The following AFAP1L2 variants were observed in gnomAD, a reference collection of about 807,000 sequenced individuals.
AFAP1L2 encodes actin filament-associated protein 1-like 2.
AFAP1L2 carries 46 observed loss-of-function variants against 99.3 expected under a neutral mutation model. The ratio of observed to expected loss-of-function variants is 0.46; its 90% CI spans 0.37 to 0.59. The LOEUF is 0.59. Ranked by LOEUF, AFAP1L2 falls within the 20% of genes least tolerant of loss-of-function variation. AFAP1L2 has a pLI of 0.00. For synonymous variants in AFAP1L2, 397 were observed against 419.1 expected, an observed-to-expected ratio of 0.95 and a Z score of 0.64; for missense variants, 959 against 1,034.9, an observed-to-expected ratio of 0.93 and a Z score of 1.01.
chr10:114,281,569 G>T, the AFAP1L2 span: 1 of 197,164 alleles, frequency 5.1e-6, no homozygotes, highest in Non-Finnish European at 9.2e-6. Flanking sequence ...TGGCTGCTGT[G>T]TTATCACAGA....
At chr10:114,375,107 G>T (rs950110015) in intron 1 of AFAP1L2, among the ~76,000 whole-genome samples, 11 of 152,084 alleles carry the variant, frequency 7.2e-5, no homozygotes, top group African/African-American at 2.7e-4. Flanking sequence ...CCATACAAAT[G>T]GCTTTTACAT....
intron 1 of AFAP1L2, among the ~76,000 whole-genome samples, chr10:114,400,294 A>T (rs1356956675): frequency 6.6e-6 from 1 of 152,172 alleles, no homozygotes; most frequent in Non-Finnish European, 1.5e-5. Flanking sequence ...CCTTCAGAAG[A>T]GAGGAAGGGC....
intron 5 of AFAP1L2, among the ~76,000 whole-genome samples, chr10:114,316,265 G>T (rs1488318028): frequency 6.6e-6 from 1 of 152,246 alleles, no homozygotes; most frequent in Non-Finnish European, 1.5e-5. Flanking sequence ...TGTGAGGCAG[G>T]CCTCTGATGG....
At chr10:114,335,488 C>A in intron 2 of AFAP1L2, among the ~76,000 whole-genome samples, 1 of 150,672 alleles carries the variant, frequency 6.6e-6, no homozygotes, top group East Asian at 2.0e-4. Context: ...TGGTGGGCGC[C>A]TGTAGTCCCA....
At chr10:114,400,505 G>A (rs2058128577) in intron 1 of AFAP1L2, among the ~76,000 whole-genome samples, 1 of 152,162 alleles carries the variant, frequency 6.6e-6, no homozygotes, top group Non-Finnish European at 1.5e-5. Context: ...TTTAAGCAAC[G>A]TTCCCATAGC....
the AFAP1L2 span, chr10:114,282,682 A>C: frequency 7.8e-6 from 7 of 901,496 alleles, no homozygotes; most frequent in Non-Finnish European, 9.2e-6. Context: ...GACTGGCTCC[A>C]GGGCAGAGGG....
intron 1 of AFAP1L2, among the ~76,000 whole-genome samples, chr10:114,347,414 C>T (rs1440510898): frequency 2.0e-5 from 3 of 152,216 alleles, no homozygotes; most frequent in South Asian, 2.1e-4. Context: ...GCCTTTAGCA[C>T]GTATCTACTA....
At chr10:114,341,006 C>G (rs1226808995) in intron 1 of AFAP1L2, among the ~76,000 whole-genome samples, 3 of 152,238 alleles carry the variant, frequency 2.0e-5, no homozygotes, top group African/African-American at 7.2e-5. Context: ...TGACAACGGC[C>G]TCGTCGGCCA....
At chr10:114,321,098 C>T (rs949670627) in intron 5 of AFAP1L2, among the ~76,000 whole-genome samples, 5 of 152,166 alleles carry the variant, frequency 3.3e-5, no homozygotes, top group African/African-American at 4.8e-5. Context: ...TCCCAGTCAC[C>T]GGTCCCATCT....
At chr10:114,308,313 C>A in intron 9 of AFAP1L2, 120 bp downstream of exon 9, 1 of 812,228 alleles carries the variant, frequency 1.2e-6, no homozygotes, top group Non-Finnish European at 2.0e-6. Context: ...GCAGTATTTC[C>A]GAGTGGTTTA....
intron 1 of AFAP1L2, among the ~76,000 whole-genome samples, chr10:114,361,834 T>C (rs1472265154): frequency 1.3e-5 from 2 of 152,212 alleles, no homozygotes; most frequent in Non-Finnish European, 2.9e-5. Context: ...TGTCTCAGTA[T>C]AGGTTATCCT....
At chr10:114,371,853 A>ATT (rs60322747) in intron 1 of AFAP1L2, among the ~76,000 whole-genome samples, 4 of 139,544 alleles carry the variant, frequency 2.9e-5, no homozygotes, top group Admixed American at 7.1e-5. Context: ...CAAAAGGAAG[A>ATT]TTTTTTTGGG....
intron 10 of AFAP1L2, among the ~76,000 whole-genome samples, chr10:114,306,097 A>C (rs2042312363): frequency 3.7e-5 from 2 of 53,994 alleles, no homozygotes; most frequent in African/African-American, 1.5e-4. Flanking sequence ...GGAGATGCAG[A>C]TGCAGGAAGG....
At chr10:114,288,845 C>T in the AFAP1L2 span, 1 of 1,408,192 alleles carries the variant, frequency 7.1e-7, no homozygotes, top group Non-Finnish European at 9.7e-7. Flanking sequence ...CCCTGGCTGA[C>T]CTTGGTCCTA....
chr10:114,369,734 C>T (rs1248153605), intron 1 of AFAP1L2, among the ~76,000 whole-genome samples: 1 of 151,942 alleles, frequency 6.6e-6, no homozygotes, highest in Non-Finnish European at 1.5e-5. Context: ...TTACCTATGC[C>T]TCCACATTTT....
At chr10:114,349,549 C>T (rs1483069802) in intron 1 of AFAP1L2, among the ~76,000 whole-genome samples, 10 of 80,706 alleles carry the variant, frequency 1.2e-4, no homozygotes, top group Non-Finnish European at 2.5e-4. Flanking sequence ...GAGAGCTTGT[C>T]GCTTGGAAAA....
chr10:114,381,149 T>C (rs1374594691), intron 1 of AFAP1L2, among the ~76,000 whole-genome samples: 4 of 152,236 alleles, frequency 2.6e-5, no homozygotes, highest in African/African-American at 2.4e-5. Context: ...AGTGGTGGAA[T>C]GGATAAACAA....
chr10:114,309,086 C>T (rs1461993818), intron 8 of AFAP1L2, among the ~76,000 whole-genome samples: 1 of 152,120 alleles, frequency 6.6e-6, no homozygotes, highest in African/African-American at 2.4e-5. Context: ...ACATGAAACC[C>T]TCAGAATATT....
the AFAP1L2 span, chr10:114,282,479 T>A: frequency 6.3e-7 from 1 of 1,583,758 alleles, no homozygotes; most frequent in Non-Finnish European, 8.7e-7. Context: ...CCCTTACACC[T>A]CTGATCTGTC....
Sources: allele counts gnomAD v4.1 joint callset (sites outside exome capture counted in the v4.1 genomes callset), GRCh38; gene constraint gnomAD v4.1.1; transcripts MANE v1.5; gene names NCBI Gene and HGNC (gene_info 2026-07-23, HGNC 2026-07-21).